ANO10: variants seen among roughly 807,000 people sequenced by gnomAD.
ANO10 encodes anoctamin 10.
In ANO10, 77 loss-of-function variants were observed where a neutral mutation model predicts 74.7. The ratio of observed to expected loss-of-function variants is 1.03; its 90% CI spans 0.86 to 1.25. The LOEUF is 1.25. Among genes scored for constraint, ANO10 ranks in the 50% most tolerant of loss-of-function variants. ANO10 has a pLI of 0.00. For synonymous variants in ANO10, 279 were observed against 284.9 expected (o/e 0.98, Z 0.21); for missense variants, 721 against 778.1 (o/e 0.93, Z 0.87).
intron 1 of ANO10, among the ~76,000 whole-genome samples, chr3:43,672,680 T>C (rs192989705): frequency 6.6e-6 from 1 of 152,324 alleles, no homozygotes; most frequent in East Asian, 1.9e-4. Flanking sequence ...ATCAAGTTAT[T>C]ACACCTTTGT....
chr3:43,682,831 A>G (rs1249859896), intron 1 of ANO10, among the ~76,000 whole-genome samples: 1 of 152,228 alleles, frequency 6.6e-6, no homozygotes, highest in Non-Finnish European at 1.5e-5. Context: ...GACAAAAAAC[A>G]CATGATTATC....
chr3:43,491,900 C>T (rs59438301), intron 11 of ANO10, among the ~76,000 whole-genome samples: 1,671 of 152,064 alleles, frequency 0.011, 29 homozygotes, highest in African/African-American at 0.038. Flanking sequence ...GAAAAGATAA[C>T]CATAAATTAA....
At chr3:43,496,294 G>A (rs2076911835) in intron 11 of ANO10, among the ~76,000 whole-genome samples, 1 of 152,062 alleles carries the variant, frequency 6.6e-6, no homozygotes, top group Non-Finnish European at 1.5e-5. Flanking sequence ...CAAAGAGCAA[G>A]GTATATATTT....
chr3:43,525,077 A>T (rs946984041), intron 11 of ANO10, among the ~76,000 whole-genome samples: 7 of 152,154 alleles, frequency 4.6e-5, no homozygotes, highest in African/African-American at 1.4e-4. Context: ...AAATGTGTTG[A>T]GGTCATCACC....
In ANO10 at chr3:43,576,796, T is replaced by A; in HGVS notation, c.1058A>T (p.Glu353Val). Residue 353 changes from glutamate (E) to valine (V), a missense_variant, in exon 6 of 13, where the codon GAG (glutamate) becomes GTG (valine). Glu to Val is a moderately radical substitution (Grantham distance 121). Coordinates refer to ENST00000292246, the MANE Select transcript of ANO10 (RefSeq NM_018075.5). ...ALGLHENSGS[E>V]WTSVLLYVPS... is the part of the protein sequence containing the mutation. ...CACATACAACAGGACACTGGTCCAC[T>A]CAGACCCGCTGTTCTCATGTAGACC... The A allele has an allele frequency of 6.2e-7, 1 of 1,614,120 alleles. No individual in the cohort carries two copies. The highest frequency in any genetic ancestry group is 8.5e-7 in the Non-Finnish European group (1 of 1,180,012).
chr3:43,567,287 A>C (rs1181339664), intron 7 of ANO10, among the ~76,000 whole-genome samples: 1 of 151,738 alleles, frequency 6.6e-6, no homozygotes, highest in Non-Finnish European at 1.5e-5. Flanking sequence ...GAACTTCCCC[A>C]ATCTAGCAAG....
intron 4 of ANO10, among the ~76,000 whole-genome samples, chr3:43,598,263 A>G (rs1174158622): frequency 2.0e-5 from 3 of 152,232 alleles, no homozygotes; most frequent in Non-Finnish European, 1.5e-5. Flanking sequence ...AACTTTGCTC[A>G]TTTTAATTGA....
chr3:43,580,643 T>C (rs1220399894), intron 4 of ANO10, among the ~76,000 whole-genome samples, 171 bp from the exon 5 acceptor site: 4 of 152,236 alleles, frequency 2.6e-5, no homozygotes, highest in Non-Finnish European at 5.9e-5. Flanking sequence ...TAAATATCTT[T>C]ACTATTCTCT....
At position 43,549,748 on chromosome 3, in the gene ANO10, T is replaced by C; in HGVS notation, c.1769A>G (p.Asp590Gly). The C allele has an allele frequency of 6.2e-7, 1 of 1,614,066 alleles. No individual in the cohort carries two copies. Among genetic ancestry groups the C allele is most frequent in the South Asian group, 1.1e-5 (1 of 91,082 alleles). Reference sequence around the variant, plus strand: ...CACTGCTACTACAATCAAAATGAGGTCTGCTTTTGATTCTGGAAAGACTGC... The same window carrying C: ...CACTGCTACTACAATCAAAATGAGGCCTGCTTTTGATTCTGGAAAGACTGC... The part of the protein sequence containing the change: ...VNAVFPESKA[D>G]LILIVVAVEH... Residue 590 changes from aspartate to glycine, a missense_variant, in exon 11 of 13, where the codon GAC becomes GGC. Transcript: ENST00000292246.
intron 1 of ANO10, among the ~76,000 whole-genome samples, chr3:43,631,014 T>A (rs2083540577): frequency 1.3e-5 from 2 of 152,098 alleles, no homozygotes; most frequent in African/African-American, 4.8e-5. Context: ...CTGGAAGGAG[T>A]TTGACTGATG....
chr3:43,382,989 A>T (rs1392342387), intron 12 of ANO10, among the ~76,000 whole-genome samples: 1 of 152,234 alleles, frequency 6.6e-6, no homozygotes, highest in African/African-American at 2.4e-5. Context: ...ATTCCAAAAG[A>T]TAGAGAAGGA....
At chr3:43,386,996 C>T (rs1338860112) in intron 12 of ANO10, among the ~76,000 whole-genome samples, 2 of 152,088 alleles carry the variant, frequency 1.3e-5, no homozygotes, top group East Asian at 3.9e-4. Flanking sequence ...CTCTAGGAAC[C>T]GTCATACAGT....
At chr3:43,522,969 C>G (rs550718105) in intron 11 of ANO10, among the ~76,000 whole-genome samples, 4 of 152,284 alleles carry the variant, frequency 2.6e-5, no homozygotes, top group African/African-American at 4.8e-5. Context: ...CACGTCCATA[C>G]CCCAGAAGCA....
At chr3:43,677,713 G>T (rs958082338) in intron 1 of ANO10, among the ~76,000 whole-genome samples, 1 of 152,212 alleles carries the variant, frequency 6.6e-6, no homozygotes, top group African/African-American at 2.4e-5. Flanking sequence ...GTGCCTTGGT[G>T]CTCTGCACAT....
chr3:43,594,810 C>G (rs2081992428), intron 4 of ANO10, among the ~76,000 whole-genome samples: 1 of 151,576 alleles, frequency 6.6e-6, no homozygotes, highest in African/African-American at 2.4e-5. Context: ...TTCAAAAAAT[C>G]AATGAATCCA....
At chr3:43,564,714 T>C (rs1033546945) in intron 8 of ANO10, among the ~76,000 whole-genome samples, 1 of 152,232 alleles carries the variant, frequency 6.6e-6, no homozygotes, top group African/African-American at 2.4e-5. Context: ...GAAGATTTAC[T>C]AGGGATGAGT....
intron 1 of ANO10, among the ~76,000 whole-genome samples, chr3:43,649,507 T>C (rs1248360772): frequency 5.9e-5 from 9 of 152,148 alleles, no homozygotes; most frequent in Non-Finnish European, 2.9e-5. Context: ...ATAGTGTGAA[T>C]TCATTGGTTA....
chr3:43,592,450 G>A (rs1479345752), intron 4 of ANO10, among the ~76,000 whole-genome samples: 1 of 152,262 alleles, frequency 6.6e-6, no homozygotes, highest in Non-Finnish European at 1.5e-5. Context: ...AATATTTGCA[G>A]TTCTGCAGCC....
At chr3:43,639,989 T>C (rs2083655358) in intron 1 of ANO10, among the ~76,000 whole-genome samples, 1 of 151,730 alleles carries the variant, frequency 6.6e-6, no homozygotes. Context: ...GTCCTGAGAG[T>C]CGGGGTTGCA....
Sources: allele counts gnomAD v4.1 joint callset (sites outside exome capture counted in the v4.1 genomes callset), GRCh38; gene constraint gnomAD v4.1.1; transcripts MANE v1.5; gene names NCBI Gene and HGNC (gene_info 2026-07-23, HGNC 2026-07-21).